Variants in CPLANE1 observed in about 807,000 individuals in gnomAD.
CPLANE1 encodes ciliogenesis and planar polarity effector complex subunit 1, also known as ciliogenesis and planar polarity effector 1.
A neutral mutation model predicts 362.5 loss-of-function variants in CPLANE1; 263 were observed. The observed-to-expected ratio is 0.73, with a 90% CI of 0.66 to 0.80. The LOEUF (loss-of-function observed/expected upper bound fraction) is 0.80, where lower values mean the gene tolerates loss of function less well. Among genes scored for constraint, CPLANE1 ranks in the 30% least tolerant of loss-of-function variants. CPLANE1 has a pLI of 0.00. For missense variants in CPLANE1, 3,461 were observed against 3,793.4 expected (o/e 0.91, Z 2.30); for synonymous variants, 1,212 against 1,302.6 (o/e 0.93, Z 1.50).
chr5:37,225,286 C>T (rs1796208395), intron 12 of CPLANE1, among the ~76,000 whole-genome samples: 2 of 151,732 alleles, frequency 1.3e-5, no homozygotes, highest in Non-Finnish European at 2.9e-5. Flanking sequence ...GCAAGGTCTC[C>T]TCCTGTCGCC....
rs1489420515 is a variant in CPLANE1 at position 37,209,089 on chromosome 5, G to A, written c.2921-2664C>T. Among the ~76,000 whole-genome samples, 1 of 152,344 alleles carries A rather than the reference G, an allele frequency of 6.6e-6. No homozygotes were observed. Among genetic ancestry groups the A allele is most frequent in the African/African-American group, 2.4e-5 (1 of 41,592 alleles). On this transcript the variant is annotated intron_variant, in intron 16 of 52. Transcript: ENST00000651892. The surrounding 1 kb of genome is among the most constrained non-coding windows in gnomAD (Gnocchi z 4.6). ...TTCTGTCCCTAGTCTCCGGGTCCCC[G>A]CCCTCCAGCCGCCTTTGATTCGTGA... is the stretch of plus-strand genomic sequence containing the variant.
chr5:37,142,335 G>A lies in CPLANE1; in HGVS notation c.8607C>T (p.Ser2869=), dbSNP rs1192482592. 6.2e-6 allele frequency: 10 copies of A among 1,601,156 alleles called. No individual in the cohort carries two copies. The Admixed American group carries it at 1.6e-4, about 25-fold the overall frequency. ...CAGGAGAAGTAGTATTCTGATCACT[G>A]GAACTGGAAAGGCTGACAGCTGAAT... The part of the protein sequence containing the change: ...TADSAVSLSS[S]SDQNTTSPGM... Residue 2869 remains serine, a synonymous_variant, in exon 44 of 53, where the codon TCC becomes TCT. Transcript: ENST00000651892.
At position 37,170,115 on chromosome 5, in the gene CPLANE1, C is replaced by T. The variant is rs1561481791; in HGVS notation, c.6388G>A (p.Glu2130Lys). 1 of 1,614,162 alleles carries T rather than the reference C, an allele frequency of 6.2e-7. No individual in the cohort carries two copies. The highest frequency in any genetic ancestry group is 8.5e-7 in the Non-Finnish European group (1 of 1,180,034). ...KPQSMGENAR[E>K]PRKNSPHCHE... Reference sequence around the variant, plus strand: ...CAGTGTGGGCTGTTCTTGCGAGGCTCTCTGGCGTTCTCTCCCATTGACTGT... The same window carrying T: ...CAGTGTGGGCTGTTCTTGCGAGGCTTTCTGGCGTTCTCTCCCATTGACTGT... Residue 2130 changes from glutamate to lysine, a missense_variant, in exon 33 of 53, where the codon GAG (glutamate) becomes AAG (lysine). By Grantham distance (56) the Glu-to-Lys change is moderately conservative (BLOSUM62 1). Coordinates refer to ENST00000651892, the MANE Select transcript of CPLANE1 (RefSeq NM_001384732.1).
At chr5:37,083,313 C>A in the CPLANE1 span, among the ~76,000 whole-genome samples, 3 of 152,196 alleles carry the variant, frequency 2.0e-5, no homozygotes. Context: ...TCTGACAGAG[C>A]CTACCCAAAT....
chr5:37,204,885 A>G (rs1308813621), intron 18 of CPLANE1, among the ~76,000 whole-genome samples: 1 of 152,222 alleles, frequency 6.6e-6, no homozygotes, highest in Non-Finnish European at 1.5e-5. Context: ...AGCCGGGCGC[A>G]GTGGCTCATG....
At chr5:37,178,827 C>T (rs1241523384) in intron 29 of CPLANE1, among the ~76,000 whole-genome samples, 1 of 152,026 alleles carries the variant, frequency 6.6e-6, no homozygotes, top group African/African-American at 2.4e-5. Context: ...TAGCACATTA[C>T]AGCTCACTAC....
intron 36 of CPLANE1, 69 bp downstream of exon 36, chr5:37,165,468 TAA>T: frequency 6.8e-7 from 1 of 1,479,738 alleles, no homozygotes; most frequent in Non-Finnish European, 9.3e-7. Context: ...TCAGACTAGA[TAA>T]ACCACAAAGA....
chr5:37,205,593 T>A lies in CPLANE1; in HGVS notation c.3150-139A>T, dbSNP rs184631126. Reference sequence around the variant, plus strand: ...ATCTATCGTACATGTAAAAAAGATATATTCAAGGAAATATTGTATTAAGAC... The same window carrying A: ...ATCTATCGTACATGTAAAAAAGATAAATTCAAGGAAATATTGTATTAAGAC... On this transcript the variant is annotated intron_variant, in intron 17 of 52. Coordinates refer to ENST00000651892, the MANE Select transcript of CPLANE1 (RefSeq NM_001384732.1). The A allele has an allele frequency of 3.7e-4, 221 of 604,638 alleles. No individual in the cohort carries two copies. The African/African-American group carries it at 3.7e-3, about 10-fold the overall frequency. 37.5% of individuals were successfully genotyped at this position (604,638 alleles called of 1,614,324 possible). A position where few individuals can be genotyped will look rare whatever the true frequency, so the allele number is the denominator to read the frequency against.
At chr5:37,089,267 G>A in the CPLANE1 span, among the ~76,000 whole-genome samples, 4 of 152,130 alleles carry the variant, frequency 2.6e-5, no homozygotes, top group Non-Finnish European at 4.4e-5. Flanking sequence ...CCCCTAACAT[G>A]CTATGATTCA....
intron 46 of CPLANE1, among the ~76,000 whole-genome samples, chr5:37,137,898 T>C (rs920440329): frequency 2.0e-5 from 3 of 151,918 alleles, no homozygotes; most frequent in East Asian, 1.9e-4. Flanking sequence ...AGCCAAACCA[T>C]ATCAGTCAGA....
rs771664716 is a variant in CPLANE1 at position 37,148,281 on chromosome 5, C to A, written c.8374-13G>T. The A allele has an allele frequency of 3.2e-6, 5 of 1,562,660 alleles. No homozygotes were observed. Among genetic ancestry groups the A allele is most frequent in the African/African-American group, 1.4e-5 (1 of 73,842 alleles). On this transcript the variant is annotated splice_polypyrimidine_tract_variant and intron_variant, in intron 42 of 52. Coordinates refer to ENST00000651892, the MANE Select transcript of CPLANE1 (RefSeq NM_001384732.1). ...CCACTGGTCCAATCTGTAGAAAAAA[C>A]ACACACAACAAAACAACAGTAATAC...
chr5:37,120,170 G>A, intron 50 of CPLANE1, 46 bp downstream of exon 50: 2 of 1,566,014 alleles, frequency 1.3e-6, no homozygotes, highest in Non-Finnish European at 8.6e-7. Context: ...AGACAAGAAG[G>A]AATAGGTCCA....
intron 46 of CPLANE1, among the ~76,000 whole-genome samples, chr5:37,136,385 G>C (rs1218266928): frequency 1.3e-5 from 2 of 152,204 alleles, no homozygotes; most frequent in East Asian, 3.8e-4. Flanking sequence ...GGGTTCCCAT[G>C]GTCTTGGACA....
At chr5:37,094,633 A>G in the CPLANE1 span, among the ~76,000 whole-genome samples, 3 of 152,232 alleles carry the variant, frequency 2.0e-5, no homozygotes, top group Admixed American at 2.0e-4. Flanking sequence ...CAAATGATAA[A>G]TGAAACAAAA....
At chr5:37,152,141 A>G (rs561982323) in intron 42 of CPLANE1, among the ~76,000 whole-genome samples, 85 of 152,172 alleles carry the variant, frequency 5.6e-4, no homozygotes, top group Admixed American at 3.3e-3. Flanking sequence ...CCTGCAGACT[A>G]TTTTGCATTT....
At chr5:37,243,722 C>T (rs1240456907) in intron 5 of CPLANE1, among the ~76,000 whole-genome samples, 2 of 144,256 alleles carry the variant, frequency 1.4e-5, no homozygotes, top group Non-Finnish European at 3.0e-5. Context: ...ATATAATATA[C>T]ATGTATTATA....
rs142373326 is a variant in CPLANE1, at chr5:37,154,770, A to G, written c.8120-777T>C. On this transcript the variant is annotated intron_variant, in intron 41 of 52. Transcript: ENST00000651892. Reference sequence around the variant, plus strand: ...CTTCCCACTTTCTCTGAGTTATGTCATTGATGAAAGATCCCAAATCTATAT... The same window carrying G: ...CTTCCCACTTTCTCTGAGTTATGTCGTTGATGAAAGATCCCAAATCTATAT... Among the ~76,000 whole-genome samples the G allele has an allele frequency of 8.5e-5, 13 of 152,116 alleles. No individual in the cohort carries two copies. In the East Asian group the frequency reaches 2.5e-3, roughly 29 times the overall value.
chr5:37,236,446 A>G (rs1263859300), intron 8 of CPLANE1, among the ~76,000 whole-genome samples: 3 of 152,194 alleles, frequency 2.0e-5, no homozygotes, highest in Non-Finnish European at 2.9e-5. Context: ...TTAAAGACCT[A>G]AACATAAGGC....
intron 4 of CPLANE1, among the ~76,000 whole-genome samples, chr5:37,245,220 T>G (rs1739165199): frequency 6.7e-6 from 1 of 148,514 alleles, no homozygotes; most frequent in Non-Finnish European, 1.5e-5. Context: ...AACCTATTAT[T>G]ATCACAGAAA....
Sources: allele counts gnomAD v4.1 joint callset (sites outside exome capture counted in the v4.1 genomes callset), GRCh38; gene constraint gnomAD v4.1.1; non-coding constraint Gnocchi (gnomAD v3.1); transcripts MANE v1.5; gene names NCBI Gene and HGNC (gene_info 2026-07-23, HGNC 2026-07-21).